IL1RAPL2: variants seen among roughly 807,000 people sequenced by gnomAD.
IL1RAPL2 encodes X-linked interleukin-1 receptor accessory protein-like 2.
In IL1RAPL2, 3 loss-of-function variants were observed where a neutral mutation model predicts 44.1. The observed-to-expected ratio is 0.07, with a 90% CI of 0.03 to 0.18. IL1RAPL2 has a LOEUF of 0.18. Ranked by LOEUF, IL1RAPL2 falls within the 10% of genes least tolerant of loss-of-function variation. The pLI is 1.00. For missense variants in IL1RAPL2, 391 were observed against 496.4 expected, an observed-to-expected ratio of 0.79 and a Z score of 2.02; for synonymous variants, 181 against 178.8, an observed-to-expected ratio of 1.01 and a Z score of -0.10.
intron 5 of IL1RAPL2, among the ~76,000 whole-genome samples, chrX:105,276,984 C>T (rs1375250169): frequency 9.0e-6 from 1 of 111,388 alleles, no homozygotes; most frequent in Non-Finnish European, 1.9e-5. Context: ...TACTATGGGA[C>T]GGGTATTGAC....
At chrX:104,732,438 A>G (rs1931937925) in intron 2 of IL1RAPL2, among the ~76,000 whole-genome samples, 1 of 112,185 alleles carries the variant, frequency 8.9e-6, no homozygotes, top group Non-Finnish European at 1.9e-5. Flanking sequence ...ATGAAAAGGG[A>G]GATGCTACTG....
intron 2 of IL1RAPL2, among the ~76,000 whole-genome samples, chrX:104,811,608 T>A (rs1033106027): frequency 9.0e-6 from 1 of 110,557 alleles, no homozygotes. Context: ...GTGGGAGATG[T>A]CTGGGAGGTG....
intron 2 of IL1RAPL2, among the ~76,000 whole-genome samples, chrX:104,859,332 C>T (rs998436234): frequency 9.0e-6 from 1 of 111,342 alleles, no homozygotes; most frequent in Non-Finnish European, 1.9e-5. Flanking sequence ...CACAGAAACA[C>T]CTTTAATAGA....
At chrX:105,046,196 T>G (rs1000079467) in intron 2 of IL1RAPL2, among the ~76,000 whole-genome samples, 1 of 111,629 alleles carries the variant, frequency 9.0e-6, no homozygotes, top group Non-Finnish European at 1.9e-5. Context: ...TGTTTCTACT[T>G]TGGATATTGC....
chrX:105,414,169 C>T (rs2035716190), intron 5 of IL1RAPL2, among the ~76,000 whole-genome samples: 1 of 110,906 alleles, frequency 9.0e-6, no homozygotes, highest in Non-Finnish European at 1.9e-5. Flanking sequence ...GCTGTGTCAC[C>T]TAGGCTGGAG....
chrX:105,456,623 C>G (rs889206371), intron 5 of IL1RAPL2, among the ~76,000 whole-genome samples: 1 of 111,157 alleles, frequency 9.0e-6, no homozygotes, highest in Non-Finnish European at 1.9e-5. Flanking sequence ...TCTTTTCTTT[C>G]TACTTTCTTG....
chrX:104,624,295 T>C (rs936557469), intron 1 of IL1RAPL2, among the ~76,000 whole-genome samples: 2 of 111,044 alleles, frequency 1.8e-5, no homozygotes, highest in Non-Finnish European at 3.8e-5. Context: ...ACTTTAAAAC[T>C]TTTACCATTA....
intron 6 of IL1RAPL2, among the ~76,000 whole-genome samples, chrX:105,688,182 C>T (rs1210126924): frequency 8.9e-6 from 1 of 111,911 alleles, no homozygotes; most frequent in Non-Finnish European, 1.9e-5. Context: ...TGCCCTCTCT[C>T]ACCACTCCTA....
At chrX:105,183,089 G>A (rs2033549579) in intron 2 of IL1RAPL2, among the ~76,000 whole-genome samples, 1 of 111,251 alleles carries the variant, frequency 9.0e-6, no homozygotes, top group South Asian at 3.8e-4. Flanking sequence ...TTCAGACTGG[G>A]TGGGCCTATC....
intron 6 of IL1RAPL2, among the ~76,000 whole-genome samples, chrX:105,706,051 A>G (rs187249961): frequency 5.7e-3 from 635 of 110,782 alleles, no homozygotes; most frequent in Middle Eastern, 0.028. Flanking sequence ...CTTATAAAGG[A>G]AAGGGCAGGG....
intron 2 of IL1RAPL2, among the ~76,000 whole-genome samples, chrX:105,042,093 C>G (rs1204561343): frequency 1.8e-5 from 2 of 111,485 alleles, no homozygotes; most frequent in Non-Finnish European, 3.8e-5. Flanking sequence ...GGATTAAAGA[C>G]TTACATGTTA....
rs200115938 is a variant in IL1RAPL2, at chrX:104,658,921, C to T, written c.8C>T (p.Pro3Leu). ...TGTCAAGAAAAGTGAAGGATGAAGC[C>T]ACCATTTCTTTTGGCCCTTGTGGTC... MK[P>L]PFLLALVVCS... The change falls in exon 2 of 11, where the codon CCA becomes CTA. Residue 3 changes from proline to leucine, a missense_variant. Pro to Leu is a moderately conservative substitution (Grantham distance 98). Coordinates refer to ENST00000372582, the MANE Select transcript of IL1RAPL2 (RefSeq NM_017416.2). 1.5e-5 allele frequency: 18 copies of T among 1,200,871 alleles called. No homozygotes were observed. Among genetic ancestry groups the T allele is most frequent in the Non-Finnish European group, 6.7e-6 (6 of 889,274 alleles).
rs374588297 is a variant in IL1RAPL2 at position 105,639,960 on chromosome X, C to G, written c.773-77407C>G. ...CTCATTACAGCCAGTCAAGTCATGT[C>G]AAACTTGGAGTCTGCCTCTTACCAT... On this transcript the variant is annotated intron_variant, in intron 6 of 10. Coordinates refer to ENST00000372582, the MANE Select transcript of IL1RAPL2 (RefSeq NM_017416.2). 1.7e-3 allele frequency among the ~76,000 whole-genome samples: 188 copies of G among 111,437 alleles called. No individual in the cohort carries two copies. The South Asian group carries it at 0.018, about 11-fold the overall frequency.
intron 6 of IL1RAPL2, among the ~76,000 whole-genome samples, chrX:105,700,204 C>G (rs902296386): frequency 3.6e-5 from 4 of 111,403 alleles, no homozygotes; most frequent in African/African-American, 1.3e-4. Context: ...TTACTTTCGG[C>G]TCCATCACTG....
intron 2 of IL1RAPL2, among the ~76,000 whole-genome samples, chrX:105,046,821 C>CTTTTT (rs5903258): frequency 0.017 from 1,282 of 76,526 alleles, 23 homozygotes; most frequent in African/African-American, 0.051. Context: ...AAGCACTAAC[C>CTTTTT]TTTTTTTTTT....
intron 1 of IL1RAPL2, among the ~76,000 whole-genome samples, chrX:104,637,353 C>A (rs1435860404): frequency 9.0e-6 from 1 of 111,406 alleles, no homozygotes; most frequent in Non-Finnish European, 1.9e-5. Flanking sequence ...ACTTCCAGTA[C>A]CATCTTGAAT....
intron 7 of IL1RAPL2, among the ~76,000 whole-genome samples, chrX:105,722,316 C>T (rs2038312281): frequency 9.0e-6 from 1 of 111,450 alleles, no homozygotes; most frequent in South Asian, 3.8e-4. Context: ...GTCATCATTC[C>T]ACTTCATATG....
chrX:104,723,066 C>G (rs1476740065), intron 2 of IL1RAPL2, among the ~76,000 whole-genome samples: 2 of 111,107 alleles, frequency 1.8e-5, no homozygotes, highest in Admixed American at 1.9e-4. Flanking sequence ...GATTGCTATT[C>G]ACCCAGTATG....
chrX:105,360,463 C>G (rs899726834), intron 5 of IL1RAPL2, among the ~76,000 whole-genome samples: 9 of 110,964 alleles, frequency 8.1e-5, no homozygotes, highest in Admixed American at 1.9e-4. Flanking sequence ...ACAGTTGATT[C>G]ACTACTAAAT....
Sources: gnomAD v4.1 joint callset for allele counts (sites outside exome capture counted in the v4.1 genomes callset) on GRCh38, gnomAD v4.1.1 for gene constraint, MANE v1.5 for transcripts, NCBI Gene and HGNC (gene_info 2026-07-23, HGNC 2026-07-21) for gene names.